Variants in DAAM1 observed in about 807,000 individuals in gnomAD.
The protein encoded by DAAM1 is disheveled-associated activator of morphogenesis 1.
In DAAM1, 52 loss-of-function variants were observed where a neutral mutation model predicts 130.0. That is an observed-to-expected ratio of 0.40 (90% CI 0.32 to 0.50). The LOEUF is 0.50. Ranked by LOEUF, DAAM1 falls within the 20% of genes least tolerant of loss-of-function variation. The pLI is 0.61. For synonymous variants in DAAM1, 452 were observed against 444.5 expected, an observed-to-expected ratio of 1.02 and a Z score of -0.21; for missense variants, 1,134 against 1,303.8, an observed-to-expected ratio of 0.87 and a Z score of 2.01.
At chr14:59,195,942 T>G (rs1169108098) in intron 1 of DAAM1, among the ~76,000 whole-genome samples, 1 of 152,008 alleles carries the variant, frequency 6.6e-6, no homozygotes, top group African/African-American at 2.4e-5. Flanking sequence ...TGTGGACATA[T>G]CAGTGCACAG....
rs536191931 is a variant in DAAM1, at chr14:59,331,233, G to C, written c.1585G>C (p.Gly529Arg). The change falls in exon 14 of 25, where the codon GGT becomes CGT. Residue 529 changes from glycine (G) to arginine (R), a missense_variant. Physicochemically the swap from Gly to Arg is moderately radical, Grantham distance 125 (BLOSUM62 -2). This residue lies in a region of DAAM1 where 644 missense variants were observed against 695.9 expected (regional missense o/e 0.93). Coordinates refer to ENST00000360909, the MANE Select transcript of DAAM1 (RefSeq NM_001270520.2). ...SRRAVCASIP[G>R]GPSPGAPGGP... The stretch of plus-strand genomic sequence containing the variant: ...GAGGGCCGTCTGTGCTTCAATCCCA[G>C]GTGGACCCTCGCCTGGAGCACCAGG... 1.9e-6 allele frequency: 3 copies of C among 1,612,852 alleles called. No homozygotes were observed. Among genetic ancestry groups the C allele is most frequent in the Non-Finnish European group, 1.7e-6 (2 of 1,179,968 alleles).
At chr14:59,226,698 A>G (rs898514799) in intron 1 of DAAM1, among the ~76,000 whole-genome samples, 2 of 152,246 alleles carry the variant, frequency 1.3e-5, no homozygotes, top group African/African-American at 4.8e-5. Context: ...CTTATTCACT[A>G]GCATGGGTTA....
intron 6 of DAAM1, 48 bp from the exon 7 acceptor site, chr14:59,324,080 G>T: frequency 4.2e-6 from 5 of 1,186,502 alleles, no homozygotes; most frequent in Non-Finnish European, 5.5e-6. Flanking sequence ...CATAAAATGA[G>T]CATAAGGTTA....
chr14:59,330,630 A>G lies in DAAM1; in HGVS notation c.1502A>G (p.His501Arg), dbSNP rs1242212468. 1 of 1,614,064 alleles carries G rather than the reference A, an allele frequency of 6.2e-7. No individual in the cohort carries two copies. The highest frequency in any genetic ancestry group is 2.2e-5 in the East Asian group (1 of 44,856). Residue 501 changes from histidine to arginine, a missense_variant, in exon 13 of 25, where the codon CAT becomes CGT. Physicochemically the swap from His to Arg is conservative, Grantham distance 29. This residue lies in a region of DAAM1 where 644 missense variants were observed against 695.9 expected (regional missense o/e 0.93). Transcript: ENST00000360909. ...AAACTTGAAAAGGAGACTACTGAGCATAAGCAAGTCAAGCAGCAGGTGGCG... is the reference window on the plus strand; with the variant it reads ...AAACTTGAAAAGGAGACTACTGAGCGTAAGCAAGTCAAGCAGCAGGTGGCG... ...KEKLEKETTEHKQVKQQVADL... is the reference protein window; with the variant it reads ...KEKLEKETTERKQVKQQVADL...
intron 3 of DAAM1, among the ~76,000 whole-genome samples, chr14:59,297,089 C>T (rs2139575516): frequency 6.6e-6 from 1 of 152,248 alleles, no homozygotes; most frequent in African/African-American, 2.4e-5. Flanking sequence ...TGCCCCAAGC[C>T]CTCCCAGTAA....
intron 13 of DAAM1, among the ~76,000 whole-genome samples, chr14:59,331,006 C>T (rs1158383715): frequency 6.6e-6 from 1 of 152,118 alleles, no homozygotes; most frequent in African/African-American, 2.4e-5. Flanking sequence ...CAGACAAGTA[C>T]TTGAGTGTCA....
intron 1 of DAAM1, among the ~76,000 whole-genome samples, chr14:59,231,216 A>G (rs1419232111): frequency 6.6e-6 from 1 of 152,224 alleles, no homozygotes; most frequent in African/African-American, 2.4e-5. Flanking sequence ...GCATATATTT[A>G]TGGGGTTCAA....
chr14:59,303,768 C>T (rs554211941), intron 3 of DAAM1, among the ~76,000 whole-genome samples: 3 of 152,156 alleles, frequency 2.0e-5, no homozygotes, highest in African/African-American at 7.2e-5. Flanking sequence ...GGCATGGTGG[C>T]GTGTGCCTGT....
chr14:59,285,362 A>G (rs968849578), intron 2 of DAAM1, among the ~76,000 whole-genome samples: 4 of 152,178 alleles, frequency 2.6e-5, no homozygotes, highest in African/African-American at 9.6e-5. Context: ...TGAAGTCTAC[A>G]TATGCACATA....
In DAAM1 at chr14:59,348,798, C is replaced by CA. The variant is rs1163750483; in HGVS notation, c.2160+1176dup. On this transcript the variant is annotated intron_variant, in intron 17 of 24. Coordinates refer to ENST00000360909, the MANE Select transcript of DAAM1 (RefSeq NM_001270520.2). Reference sequence around the variant, plus strand: ...TGATGTCCTCGAAGGTCTCAGACACCATGCAGGGAGGAATGATGTTTGCAG... The same window carrying CA: ...TGATGTCCTCGAAGGTCTCAGACACCAATGCAGGGAGGAATGATGTTTGCAG... Among the ~76,000 whole-genome samples, 6 of 152,258 alleles carry CA rather than the reference C, an allele frequency of 3.9e-5. 1 individual carries two copies. Among genetic ancestry groups the CA allele is most frequent in the Non-Finnish European group, 8.8e-5 (6 of 68,016 alleles).
At position 59,355,165 on chromosome 14, in the gene DAAM1, C is replaced by G. The variant is rs1241306976; in HGVS notation, c.2357C>G (p.Ala786Gly). 6.2e-7 allele frequency: 1 copy of G among 1,604,906 alleles called. No individual in the cohort carries two copies. Among genetic ancestry groups the G allele is most frequent in the South Asian group, 1.1e-5 (1 of 89,852 alleles). ...TGTTTTTATGTGTTTTGTTTTGAAG[C>G]AATTCGTTCTGGCTCAGAAGAGGTG... ...RVAEVKPKVE[A>G]IRSGSEEVFR... The change falls in exon 20 of 25, where the codon GCA (alanine) becomes GGA (glycine). Residue 786 changes from alanine (A) to glycine (G), a missense_variant and splice_region_variant. By Grantham distance (60) the Ala-to-Gly change is moderately conservative. Coordinates refer to ENST00000360909, the MANE Select transcript of DAAM1 (RefSeq NM_001270520.2).
At chr14:59,242,206 C>T (rs1222375699) in intron 1 of DAAM1, among the ~76,000 whole-genome samples, 1 of 152,126 alleles carries the variant, frequency 6.6e-6, no homozygotes, top group African/African-American at 2.4e-5. Flanking sequence ...CACATTTTCT[C>T]AGGAAAAAAT....
Position 59,370,559 on chromosome 14 carries a change from T to A in DAAM1, c.*1700T>A, listed in dbSNP as rs1887128010. The A allele has an allele frequency of 6.6e-6, 1 of 152,220 alleles. No individual in the cohort carries two copies. Among genetic ancestry groups the A allele is most frequent in the Non-Finnish European group, 1.5e-5 (1 of 68,026 alleles). The allele number at this position is 152,220 out of a possible 1,614,324, so 9.4% of individuals were successfully genotyped here. A position where few individuals can be genotyped will look rare whatever the true frequency, so the allele number is the denominator to read the frequency against. On this transcript the variant is annotated 3_prime_UTR_variant, in exon 25 of 25. Coordinates refer to ENST00000360909, the MANE Select transcript of DAAM1 (RefSeq NM_001270520.2). ...ATGTGAAAGCTGTGAAATAGTGCTC[T>A]AAGAGTTGTCAAGAGCTGTGGTTTT...
chr14:59,325,386 C>A (rs148087594), intron 8 of DAAM1, among the ~76,000 whole-genome samples: 1 of 152,156 alleles, frequency 6.6e-6, no homozygotes, highest in East Asian at 1.9e-4. Flanking sequence ...GGAATCTGAA[C>A]TTGATTGTTT....
chr14:59,333,738 C>T (rs997730970), intron 15 of DAAM1, among the ~76,000 whole-genome samples: 2 of 152,188 alleles, frequency 1.3e-5, no homozygotes, highest in African/African-American at 4.8e-5. Context: ...CTATTCAAGT[C>T]TGAGCATGTG....
intron 2 of DAAM1, among the ~76,000 whole-genome samples, chr14:59,271,898 A>G (rs1882725027): frequency 6.6e-6 from 1 of 152,204 alleles, no homozygotes; most frequent in Non-Finnish European, 1.5e-5. Flanking sequence ...TACAGGAGCT[A>G]TTCAGTTGCC....
chr14:59,317,995 C>CTTA (rs1258803937), intron 4 of DAAM1, among the ~76,000 whole-genome samples: 1 of 152,138 alleles, frequency 6.6e-6, no homozygotes, highest in East Asian at 1.9e-4. Context: ...AACTGCAGCA[C>CTTA]TTACTAGTCT....
chr14:59,361,719 G>A (rs1044872000), intron 22 of DAAM1, among the ~76,000 whole-genome samples: 6 of 152,186 alleles, frequency 3.9e-5, no homozygotes, highest in African/African-American at 1.4e-4. Context: ...AGAGGGGGCA[G>A]GGATGAGAAC....
intron 1 of DAAM1, among the ~76,000 whole-genome samples, chr14:59,235,621 T>G (rs1889272224): frequency 6.6e-6 from 1 of 152,174 alleles, no homozygotes; most frequent in African/African-American, 2.4e-5. Flanking sequence ...TTGAAGGGTT[T>G]TTCATGTCTC....
Sources: allele counts gnomAD v4.1 joint callset (sites outside exome capture counted in the v4.1 genomes callset), GRCh38; gene constraint gnomAD v4.1.1; regional missense constraint gnomAD v4.1.1; transcripts MANE v1.5; gene names NCBI Gene and HGNC (gene_info 2026-07-23, HGNC 2026-07-21).